KIAA1549L: variants seen among roughly 807,000 people sequenced by gnomAD.
The protein encoded by KIAA1549L is KIAA1549 like, also known as UPF0606 protein KIAA1549L.
A neutral mutation model predicts 160.7 loss-of-function variants in KIAA1549L; 88 were observed. The ratio of observed to expected loss-of-function variants is 0.55; its 90% CI spans 0.46 to 0.65. The LOEUF is 0.65. Ranked by LOEUF, KIAA1549L falls within the 30% of genes least tolerant of loss-of-function variation. KIAA1549L has a pLI of 0.00. For missense variants in KIAA1549L, 2,258 were observed against 2,437.5 expected, an observed-to-expected ratio of 0.93 and a Z score of 1.55; for synonymous variants, 950 against 976.7, an observed-to-expected ratio of 0.97 and a Z score of 0.51.
chr11:33,471,726 A>G (rs1306995041), intron 1 of KIAA1549L, among the ~76,000 whole-genome samples: 1 of 152,134 alleles, frequency 6.6e-6, no homozygotes, highest in Non-Finnish European at 1.5e-5. Context: ...CTGCTTTCAC[A>G]TGTTGACTCA....
chr11:33,591,262 A>G lies in KIAA1549L; in HGVS notation c.4592A>G (p.Lys1531Arg), dbSNP rs1287063323. The G allele has an allele frequency of 6.2e-7, 1 of 1,613,234 alleles. No homozygotes were observed. The change falls in exon 12 of 21, where the codon AAG (lysine) becomes AGG (arginine). Residue 1531 changes from lysine (K) to arginine (R), a missense_variant. By Grantham distance (26) the Lys-to-Arg change is conservative. Transcript: ENST00000658780. Reference protein sequence around the residue: ...AKPVQGFDYAKQHLGQQGADE... With the variant: ...AKPVQGFDYARQHLGQQGADE... ...CCTGTGCAAGGCTTTGATTATGCCAAGCAACACCTGGGCCAGCAAGGGGCA... is the reference window on the plus strand; with the variant it reads ...CCTGTGCAAGGCTTTGATTATGCCAGGCAACACCTGGGCCAGCAAGGGGCA...
intron 16 of KIAA1549L, among the ~76,000 whole-genome samples, chr11:33,619,270 G>T (rs1335333084): frequency 6.6e-6 from 1 of 152,172 alleles, no homozygotes; most frequent in Non-Finnish European, 1.5e-5. Flanking sequence ...TTGGACCCAT[G>T]AGCTCAGGTG....
chr11:33,521,619 T>C (rs1227049255), intron 1 of KIAA1549L, among the ~76,000 whole-genome samples: 2 of 152,224 alleles, frequency 1.3e-5, no homozygotes, highest in Admixed American at 6.5e-5. Flanking sequence ...GACTGTGGGT[T>C]CTTGTCTTTC....
At chr11:33,532,003 C>G (rs901196687) in intron 1 of KIAA1549L, among the ~76,000 whole-genome samples, 1 of 152,106 alleles carries the variant, frequency 6.6e-6, no homozygotes, top group Non-Finnish European at 1.5e-5. Flanking sequence ...GAGAGTGGAG[C>G]CCGCCCCAGA....
At chr11:33,568,660 C>T (rs1855139531) in intron 9 of KIAA1549L, among the ~76,000 whole-genome samples, 2 of 152,182 alleles carry the variant, frequency 1.3e-5, no homozygotes, top group African/African-American at 2.4e-5. Context: ...GATTCTGTTA[C>T]CTGTATGTAG....
Position 33,542,707 on chromosome 11 carries a change from G to C in KIAA1549L, c.1144G>C (p.Gly382Arg). The stretch of plus-strand genomic sequence containing the variant: ...ATGGTCAATGTTGGAAGTGGCTTCA[G>C]GTCCTGCATCCACCCAGCAGATCAA... ...PSWSMLEVAS[G>R]PASTQQIKAG... The change falls in exon 2 of 21, where the codon GGT (glycine) becomes CGT (arginine). Residue 382 changes from glycine (G) to arginine (R), a missense_variant. By Grantham distance (125) the Gly-to-Arg change is moderately radical. Coordinates refer to ENST00000658780, the MANE Select transcript of KIAA1549L (RefSeq NM_012194.3). 6.2e-7 allele frequency: 1 copy of C among 1,614,004 alleles called. No individual in the cohort carries two copies. The highest frequency in any genetic ancestry group is 8.5e-7 in the Non-Finnish European group (1 of 1,179,884).
At chr11:33,518,860 T>A (rs1461211561) in intron 1 of KIAA1549L, among the ~76,000 whole-genome samples, 2 of 152,240 alleles carry the variant, frequency 1.3e-5, no homozygotes, top group Non-Finnish European at 2.9e-5. Context: ...CAGATATGTT[T>A]TGATTTGGGA....
chr11:33,597,192 T>C (rs2133300437), intron 12 of KIAA1549L, among the ~76,000 whole-genome samples: 1 of 152,342 alleles, frequency 6.6e-6, no homozygotes, highest in South Asian at 2.1e-4. Flanking sequence ...AAAGAAGGAA[T>C]ATAGTGAGCA....
chr11:33,544,164 A>G lies in KIAA1549L; in HGVS notation c.2601A>G (p.Thr867=). The G allele has an allele frequency of 1.9e-6, 3 of 1,614,038 alleles. No homozygotes were observed. The highest frequency in any genetic ancestry group is 2.5e-6 in the Non-Finnish European group (3 of 1,179,896). ...LQEMLSDGTD[T]GSEISSDINS... is the part of the protein sequence containing the mutation. Reference sequence around the variant, plus strand: ...AAATGCTTTCAGATGGAACAGATACAGGTTCTGAAATTTCCAGTGACATCA... The same window carrying G: ...AAATGCTTTCAGATGGAACAGATACGGGTTCTGAAATTTCCAGTGACATCA... The change falls in exon 2 of 21, where the codon ACA becomes ACG. Residue 867 remains threonine (T), a synonymous_variant. Transcript: ENST00000658780.
chr11:33,440,217 C>T lies in KIAA1549L; in HGVS notation c.238+63328C>T, dbSNP rs1341150628. On this transcript the variant is annotated intron_variant, in intron 1 of 20. Transcript: ENST00000658780. ...GGATCTCGGCTCATTGCAAGCTCCA[C>T]CTCCCGGGTTCACGCCATTCTCCTG... 4.8e-5 allele frequency among the ~76,000 whole-genome samples: 7 copies of T among 144,842 alleles called. No individual in the cohort carries two copies. In the East Asian group the frequency reaches 1.2e-3, roughly 25 times the overall value.
At chr11:33,649,460 A>C (rs1184745830) in intron 17 of KIAA1549L, among the ~76,000 whole-genome samples, 2 of 148,094 alleles carry the variant, frequency 1.4e-5, no homozygotes. Flanking sequence ...TGATGACACC[A>C]TTGTACTCCA....
rs540384891 is a variant in KIAA1549L at position 33,671,051 on chromosome 11, T to A, written c.*2897T>A. 6.6e-6 allele frequency: 1 copy of A among 152,282 alleles called. No individual in the cohort carries two copies. The highest frequency in any genetic ancestry group is 2.4e-5 in the African/African-American group (1 of 41,568). 9.4% of individuals were successfully genotyped at this position (152,282 alleles called of 1,614,324 possible). ...TGTTCTTGCCAAGAAAAAAGATGAT[T>A]GAGTATATAACGAACTTCAGATACA... On this transcript the variant is annotated 3_prime_UTR_variant, in exon 21 of 21. Coordinates refer to ENST00000658780, the MANE Select transcript of KIAA1549L (RefSeq NM_012194.3).
rs1854119085 is a variant in KIAA1549L at position 33,543,687 on chromosome 11, C to T, written c.2124C>T (p.Ser708=). 1 of 1,613,992 alleles carries T rather than the reference C, an allele frequency of 6.2e-7. No individual in the cohort carries two copies. Among genetic ancestry groups the T allele is most frequent in the South Asian group, 1.1e-5 (1 of 91,090 alleles). Residue 708 remains serine, a synonymous_variant, in exon 2 of 21, where the codon TCC becomes TCT. Coordinates refer to ENST00000658780, the MANE Select transcript of KIAA1549L (RefSeq NM_012194.3). ...TTTCAGCAGAAACTGGATCTCTTTC[C>T]ACAGAATCAATAATATCTGGCTTGC... ...SSLSAETGSL[S]TESIISGLQQ...
chr11:33,556,711 G>A (rs888632889), intron 6 of KIAA1549L, among the ~76,000 whole-genome samples: 1 of 152,154 alleles, frequency 6.6e-6, no homozygotes, highest in African/African-American at 2.4e-5. Flanking sequence ...GCTGCCAGGG[G>A]TTGTGAGGAG....
intron 1 of KIAA1549L, among the ~76,000 whole-genome samples, chr11:33,498,062 G>A (rs560613407): frequency 1.3e-5 from 2 of 152,322 alleles, no homozygotes; most frequent in South Asian, 2.1e-4. Flanking sequence ...CCTGAGGAGG[G>A]AAGATTGCTT....
intron 1 of KIAA1549L, among the ~76,000 whole-genome samples, chr11:33,385,248 A>G (rs1850151381): frequency 6.6e-6 from 1 of 152,206 alleles, no homozygotes; most frequent in African/African-American, 2.4e-5. Flanking sequence ...TCTTGGCACC[A>G]TATATGTCTG....
At chr11:33,397,192 G>A (rs1001835966) in intron 1 of KIAA1549L, among the ~76,000 whole-genome samples, 7 of 143,278 alleles carry the variant, frequency 4.9e-5, no homozygotes, top group Non-Finnish European at 9.1e-5. Context: ...AAATTAGCCG[G>A]ACGTGGTGGC....
chr11:33,435,781 T>TA (rs1851345539), intron 1 of KIAA1549L, among the ~76,000 whole-genome samples: 1 of 11,254 alleles, frequency 8.9e-5, no homozygotes, highest in African/African-American at 7.2e-4. Context: ...TATATATATA[T>TA]ATATATATAT....
intron 1 of KIAA1549L, among the ~76,000 whole-genome samples, chr11:33,466,275 G>A (rs1852056060): frequency 1.3e-5 from 2 of 152,162 alleles, no homozygotes; most frequent in South Asian, 4.1e-4. Context: ...GAGTTTACAA[G>A]ATAAAAACAA....
Sources: allele counts gnomAD v4.1 joint callset (sites outside exome capture counted in the v4.1 genomes callset), GRCh38; gene constraint gnomAD v4.1.1; transcripts MANE v1.5; gene names NCBI Gene and HGNC (gene_info 2026-07-23, HGNC 2026-07-21).